MMP16: variants seen among roughly 807,000 people sequenced by gnomAD.
The protein encoded by MMP16 is matrix metallopeptidase 16, also known as matrix metalloproteinase-16.
In MMP16, 12 loss-of-function variants were observed where a neutral mutation model predicts 67.8. The observed-to-expected ratio is 0.18, with a 90% confidence interval of 0.11 to 0.29. The LOEUF (loss-of-function observed/expected upper bound fraction) is 0.29, where lower values mean the gene tolerates loss of function less well. Among genes scored for constraint, MMP16 ranks in the 10% least tolerant of loss-of-function variants. MMP16 has a pLI of 1.00. For missense variants in MMP16, 475 were observed against 765.7 expected, an observed-to-expected ratio of 0.62 and a Z score of 4.48; for synonymous variants, 249 against 255.9, an observed-to-expected ratio of 0.97 and a Z score of 0.26.
chr8:88,244,883 C>T (rs1384374484), intron 1 of MMP16, among the ~76,000 whole-genome samples: 1 of 152,044 alleles, frequency 6.6e-6, no homozygotes. Context: ...TTCTTAATAC[C>T]GAGAGATAAT....
intron 4 of MMP16, among the ~76,000 whole-genome samples, chr8:88,147,391 C>T (rs189578820): frequency 6.6e-6 from 1 of 152,080 alleles, no homozygotes; most frequent in East Asian, 1.9e-4. Context: ...TTTTTAGTTA[C>T]ACAGATTACA....
intron 6 of MMP16, among the ~76,000 whole-genome samples, chr8:88,083,439 TG>T (rs1312049618): frequency 1.1e-4 from 17 of 152,044 alleles, no homozygotes; most frequent in African/African-American, 4.1e-4. Flanking sequence ...TCAAGACTAA[TG>T]GAAGCAAGCC....
chr8:88,124,614 T>G (rs1371929514), intron 4 of MMP16, among the ~76,000 whole-genome samples: 1 of 151,984 alleles, frequency 6.6e-6, no homozygotes, highest in Non-Finnish European at 1.5e-5. Flanking sequence ...ACACAGCTGC[T>G]GCACAGGAGC....
intron 6 of MMP16, 82 bp downstream of exon 6, chr8:88,116,425 T>C: frequency 8.1e-7 from 1 of 1,234,854 alleles, no homozygotes; most frequent in Non-Finnish European, 1.1e-6. Flanking sequence ...AAGGTAGTGT[T>C]AGAATGAATG....
At chr8:88,079,166 C>A (rs1808703629) in intron 6 of MMP16, among the ~76,000 whole-genome samples, 1 of 152,124 alleles carries the variant, frequency 6.6e-6, no homozygotes, top group African/African-American at 2.4e-5. Context: ...AAGCTCTTTT[C>A]TTCCTTAAGA....
intron 1 of MMP16, 83 bp downstream of exon 1, chr8:88,326,992 C>T (rs1349065030): frequency 3.2e-6 from 5 of 1,574,768 alleles, no homozygotes; most frequent in Non-Finnish European, 4.3e-6. Flanking sequence ...CTGCTCTGAG[C>T]TACAAGGATC....
intron 6 of MMP16, among the ~76,000 whole-genome samples, chr8:88,081,939 G>A (rs1346966835): frequency 6.6e-6 from 1 of 151,976 alleles, no homozygotes; most frequent in Non-Finnish European, 1.5e-5. Flanking sequence ...AAAAACATTG[G>A]TTGTGACCAA....
At chr8:88,306,045 C>A (rs1407674723) in intron 1 of MMP16, among the ~76,000 whole-genome samples, 1 of 148,726 alleles carries the variant, frequency 6.7e-6, no homozygotes. Context: ...ACTAGGTAGA[C>A]TAAGGAAAAA....
At chr8:88,088,673 T>C (rs1360028782) in intron 6 of MMP16, among the ~76,000 whole-genome samples, 1 of 152,114 alleles carries the variant, frequency 6.6e-6, no homozygotes, top group Non-Finnish European at 1.5e-5. Context: ...TTCCTTTCGC[T>C]GTCCCTGTGT....
At chr8:88,123,475 G>T (rs1807875335) in intron 4 of MMP16, among the ~76,000 whole-genome samples, 1 of 151,136 alleles carries the variant, frequency 6.6e-6, no homozygotes, top group African/African-American at 2.4e-5. Context: ...TTTGCACTTC[G>T]CTGAAAAGAG....
At chr8:88,280,931 T>C (rs373157561) in intron 1 of MMP16, among the ~76,000 whole-genome samples, 1 of 152,174 alleles carries the variant, frequency 6.6e-6, no homozygotes, top group African/African-American at 2.4e-5. Flanking sequence ...AACAGTCCCA[T>C]GATATCTTGC....
At chr8:88,064,018 T>A (rs1808433518) in intron 7 of MMP16, among the ~76,000 whole-genome samples, 1 of 152,144 alleles carries the variant, frequency 6.6e-6, no homozygotes, top group Admixed American at 6.6e-5. Flanking sequence ...TTTTGTGTCT[T>A]CTATTACAGC....
rs1046318907 is a variant in MMP16 at position 88,066,435 on chromosome 8, A to G, written c.1222+8170T>C. ...TTCCTCGAGGTGTGATACATTTTCTATTTCTGGGTCTCTCTAAATAAAAAA... is the reference window on the plus strand; with the variant it reads ...TTCCTCGAGGTGTGATACATTTTCTGTTTCTGGGTCTCTCTAAATAAAAAA... On this transcript the variant is annotated intron_variant, in intron 7 of 9. Transcript: ENST00000286614. 3.3e-5 allele frequency among the ~76,000 whole-genome samples: 5 copies of G among 152,170 alleles called. 1 individual carries two copies. The highest frequency in any genetic ancestry group is 9.6e-5 in the African/African-American group (4 of 41,548).
intron 6 of MMP16, among the ~76,000 whole-genome samples, chr8:88,081,277 G>T (rs758738511): frequency 1.3e-5 from 2 of 152,148 alleles, no homozygotes; most frequent in African/African-American, 4.8e-5. Context: ...GGAGAAAACT[G>T]CTATTAAATA....
intron 1 of MMP16, among the ~76,000 whole-genome samples, chr8:88,217,656 C>T (rs986314007): frequency 6.6e-6 from 1 of 152,100 alleles, no homozygotes; most frequent in East Asian, 1.9e-4. Context: ...CTGCATGCCA[C>T]AGACAGTTGA....
At chr8:88,247,060 A>G (rs1054408905) in intron 1 of MMP16, among the ~76,000 whole-genome samples, 2 of 152,164 alleles carry the variant, frequency 1.3e-5, no homozygotes, top group Admixed American at 1.3e-4. Flanking sequence ...GGAAATAAGA[A>G]TAACTAACTA....
At chr8:88,083,507 AG>A (rs1808786739) in intron 6 of MMP16, among the ~76,000 whole-genome samples, 1 of 152,144 alleles carries the variant, frequency 6.6e-6, no homozygotes, top group Non-Finnish European at 1.5e-5. Flanking sequence ...GGGAATCAAA[AG>A]GAAAAATGGC....
rs1432346632 is a variant in MMP16, at chr8:88,035,794, A to G, written c.*5667T>C. 3 of 152,010 alleles carry G rather than the reference A, an allele frequency of 2.0e-5. No individual in the cohort carries two copies. Among genetic ancestry groups the G allele is most frequent in the Non-Finnish European group, 4.4e-5 (3 of 67,898 alleles). The allele number at this position is 152,010 out of a possible 1,614,324, so 9.4% of individuals were successfully genotyped here. On this transcript the variant is annotated 3_prime_UTR_variant, in exon 10 of 10. Transcript: ENST00000286614. The surrounding 1 kb of genome is among the most constrained non-coding windows in gnomAD (Gnocchi z 4.7). ...TGTTTTTCCCTTAATTTCTGTGAGT[A>G]TGTCCAATCAGTGTTCATTCTTAGG...
rs1808356775 is a variant in MMP16, at chr8:88,058,347, C to T, written c.1223-2069G>A. ...GAAAATAAGATGACCCATCAAGAGT[C>T]TTTGGCAAGAATTAATTGAATCATT... On this transcript the variant is annotated intron_variant, in intron 7 of 9. Coordinates refer to ENST00000286614, the MANE Select transcript of MMP16 (RefSeq NM_005941.5). The surrounding 1 kb of genome is among the most constrained non-coding windows in gnomAD (Gnocchi z 4.2). 6.6e-6 allele frequency among the ~76,000 whole-genome samples: 1 copy of T among 152,044 alleles called. No individual in the cohort carries two copies. Among genetic ancestry groups the T allele is most frequent in the South Asian group, 2.1e-4 (1 of 4,818 alleles).
Sources: allele counts gnomAD v4.1 joint callset (sites outside exome capture counted in the v4.1 genomes callset), GRCh38; gene constraint gnomAD v4.1.1; non-coding constraint Gnocchi (gnomAD v3.1); transcripts MANE v1.5; gene names NCBI Gene and HGNC (gene_info 2026-07-23, HGNC 2026-07-21).